MAGI2: variants seen among roughly 807,000 people sequenced by gnomAD.
MAGI2 encodes membrane-associated guanylate kinase, WW and PDZ domain-containing protein 2.
MAGI2 carries 35 observed loss-of-function variants against 133.3 expected under a neutral mutation model. The ratio of observed to expected loss-of-function variants is 0.26; its 90% CI spans 0.20 to 0.35. The LOEUF is 0.35. Among genes scored for constraint, MAGI2 ranks in the 10% least tolerant of loss-of-function variants. MAGI2 has a pLI of 1.00. For synonymous variants in MAGI2, 729 were observed against 710.6 expected (o/e 1.03, Z -0.41); for missense variants, 1,636 against 1,863.4 (o/e 0.88, Z 2.25).
intron 3 of MAGI2, among the ~76,000 whole-genome samples, chr7:78,560,537 A>C (rs764533522): frequency 1.3e-5 from 2 of 152,226 alleles, no homozygotes; most frequent in Non-Finnish European, 2.9e-5. Context: ...TAATCTAAAT[A>C]CTTTAAAATT....
chr7:78,743,826 C>T (rs753786655), intron 2 of MAGI2, among the ~76,000 whole-genome samples: 17 of 152,160 alleles, frequency 1.1e-4, no homozygotes, highest in Non-Finnish European at 2.9e-5. Context: ...GAACAGTTCT[C>T]TATTCCAATG....
At chr7:79,240,174 G>A (rs717067) in intron 1 of MAGI2, among the ~76,000 whole-genome samples, 91,654 of 151,696 alleles carry the variant, frequency 0.6, 29,034 homozygotes, top group Non-Finnish European at 0.7. Flanking sequence ...TGAAAACCTC[G>A]CAGGGGAAGG....
At chr7:79,194,970 C>T (rs1827955727) in intron 1 of MAGI2, among the ~76,000 whole-genome samples, 1 of 151,838 alleles carries the variant, frequency 6.6e-6, no homozygotes, top group Admixed American at 6.6e-5. Context: ...AAGACATGCC[C>T]AAAGTTCATT....
rs187643096 is a variant in MAGI2 at position 78,924,363 on chromosome 7, C to T, written c.418+82727G>A. 1.8e-3 allele frequency among the ~76,000 whole-genome samples: 274 copies of T among 151,160 alleles called. 1 individual carries two copies. The highest frequency in any genetic ancestry group is 6.8e-3 in the Middle Eastern group (2 of 292). On this transcript the variant is annotated intron_variant, in intron 2 of 21. Coordinates refer to ENST00000354212, the MANE Select transcript of MAGI2 (RefSeq NM_012301.4). ...AGATAGCTCTTATTATTTTGAGATACGTCCCATCAATACCTAATTTATTGA... is the reference window on the plus strand; with the variant it reads ...AGATAGCTCTTATTATTTTGAGATATGTCCCATCAATACCTAATTTATTGA...
At chr7:78,656,516 C>G (rs1233244094) in intron 2 of MAGI2, among the ~76,000 whole-genome samples, 1 of 152,070 alleles carries the variant, frequency 6.6e-6, no homozygotes, top group Non-Finnish European at 1.5e-5. Context: ...AGTGGTTCTA[C>G]TCTACCAGGG....
At chr7:79,241,366 A>G (rs1832397207) in intron 1 of MAGI2, among the ~76,000 whole-genome samples, 1 of 152,222 alleles carries the variant, frequency 6.6e-6, no homozygotes, top group Admixed American at 6.5e-5. Context: ...CAGTGAGATA[A>G]GTTTAGCAGG....
At chr7:79,112,695 T>C (rs915539358) in intron 1 of MAGI2, among the ~76,000 whole-genome samples, 1 of 151,768 alleles carries the variant, frequency 6.6e-6, no homozygotes, top group Non-Finnish European at 1.5e-5. Context: ...CTCTCTTAAA[T>C]GCCATTTTTT....
At chr7:78,213,038 T>G (rs1584419172) in intron 10 of MAGI2, among the ~76,000 whole-genome samples, 1 of 152,324 alleles carries the variant, frequency 6.6e-6, no homozygotes, top group Admixed American at 6.5e-5. Context: ...TGCTCAATTT[T>G]TATTGGTAAG....
intron 1 of MAGI2, among the ~76,000 whole-genome samples, chr7:79,069,356 C>T (rs1360252884): frequency 7.2e-5 from 11 of 152,000 alleles, no homozygotes; most frequent in Non-Finnish European, 1.6e-4. Context: ...TTATATAATT[C>T]CCTTCTTTGT....
At chr7:78,757,626 C>T (rs1459329307) in intron 2 of MAGI2, among the ~76,000 whole-genome samples, 5 of 152,160 alleles carry the variant, frequency 3.3e-5, no homozygotes, top group African/African-American at 1.2e-4. Context: ...TTAACAGCTG[C>T]ACCTGATACA....
chr7:79,027,387 CT>C (rs1294043987), intron 1 of MAGI2, among the ~76,000 whole-genome samples: 2 of 151,336 alleles, frequency 1.3e-5, no homozygotes, highest in Admixed American at 1.3e-4. Flanking sequence ...AAAGAAGGAA[CT>C]TCTGTCATTT....
chr7:78,897,357 C>A (rs1162224177), intron 2 of MAGI2, among the ~76,000 whole-genome samples: 1 of 152,154 alleles, frequency 6.6e-6, no homozygotes, highest in Non-Finnish European at 1.5e-5. Context: ...GTGGCAGTAG[C>A]CACTGTTCTT....
At chr7:78,241,996 C>G (rs949044893) in intron 10 of MAGI2, among the ~76,000 whole-genome samples, 1 of 140,332 alleles carries the variant, frequency 7.1e-6, no homozygotes, top group Non-Finnish European at 1.5e-5. Context: ...GTTATATATC[C>G]TTGATGTGCA....
At position 79,093,930 on chromosome 7, in the gene MAGI2, G is replaced by T. The variant is rs372012080; in HGVS notation, c.302-86724C>A. Among the ~76,000 whole-genome samples the T allele has an allele frequency of 1.3e-4, 19 of 151,984 alleles. No individual in the cohort carries two copies. In the East Asian group the frequency reaches 3.5e-3, roughly 28 times the overall value. On this transcript the variant is annotated intron_variant, in intron 1 of 21. Coordinates refer to ENST00000354212, the MANE Select transcript of MAGI2 (RefSeq NM_012301.4). The stretch of plus-strand genomic sequence containing the variant: ...AGGTTTCACCAAGTTGGCCAGGATG[G>T]TCTCAAACTCCTGACCTCAGGTGAC...
At chr7:78,810,283 ATAT>A (rs1788930179) in intron 2 of MAGI2, among the ~76,000 whole-genome samples, 1 of 152,126 alleles carries the variant, frequency 6.6e-6, no homozygotes, top group African/African-American at 2.4e-5. Context: ...CCAGGAAGGG[ATAT>A]TATTTTGCTG....
chr7:78,271,011 G>A (rs1794514695), intron 9 of MAGI2, among the ~76,000 whole-genome samples: 1 of 152,142 alleles, frequency 6.6e-6, no homozygotes, highest in Admixed American at 6.5e-5. Context: ...TTGAATAGGA[G>A]TGGTGAGAGA....
At chr7:78,054,648 T>C (rs1812372860) in intron 21 of MAGI2, among the ~76,000 whole-genome samples, 1 of 147,122 alleles carries the variant, frequency 6.8e-6, no homozygotes, top group Non-Finnish European at 1.5e-5. Context: ...TGACTTGCTA[T>C]TTCACTTAAT....
chr7:78,886,931 C>G (rs760287195), intron 2 of MAGI2, among the ~76,000 whole-genome samples: 5 of 152,088 alleles, frequency 3.3e-5, no homozygotes, highest in Non-Finnish European at 5.9e-5. Flanking sequence ...ATGGTATTCT[C>G]ATGATGGTGA....
intron 20 of MAGI2, among the ~76,000 whole-genome samples, chr7:78,095,512 G>A (rs747812348): frequency 3.3e-5 from 5 of 152,142 alleles, no homozygotes; most frequent in Non-Finnish European, 7.3e-5. Flanking sequence ...TCTTTTCTGC[G>A]ATCCCTAGCT....
Sources: gnomAD v4.1 joint callset for allele counts (sites outside exome capture counted in the v4.1 genomes callset) on GRCh38, gnomAD v4.1.1 for gene constraint, MANE v1.5 for transcripts, NCBI Gene and HGNC (gene_info 2026-07-23, HGNC 2026-07-21) for gene names.